The following SPATA6 variants were observed in gnomAD, a reference collection of about 807,000 sequenced individuals.
The protein encoded by SPATA6 is spermatogenesis associated 6, also known as spermatogenesis-associated protein 6.
Under a neutral mutation model 65.3 loss-of-function variants are expected in SPATA6, and 56 were observed. That is an observed-to-expected ratio of 0.86 (90% CI 0.69 to 1.07). The LOEUF is 1.07. Ranked by LOEUF, SPATA6 falls within the 50% of genes least tolerant of loss-of-function variation. The pLI is 0.00. For synonymous variants in SPATA6, 199 were observed against 213.2 expected (o/e 0.93, Z 0.58); for missense variants, 590 against 594.8 (o/e 0.99, Z 0.08).
intron 11 of SPATA6, among the ~76,000 whole-genome samples, chr1:48,347,926 C>G (rs1646415140): frequency 6.6e-6 from 1 of 151,954 alleles, no homozygotes. Context: ...TCATCCCTAG[C>G]TAATAAATTG....
chr1:48,410,387 T>C (rs953735873), intron 5 of SPATA6, among the ~76,000 whole-genome samples: 7 of 152,220 alleles, frequency 4.6e-5, no homozygotes, highest in African/African-American at 1.7e-4. Context: ...AACAAGTCTC[T>C]AGGAAGTTCC....
At chr1:48,405,838 G>A (rs1426357071) in intron 5 of SPATA6, among the ~76,000 whole-genome samples, 2 of 152,034 alleles carry the variant, frequency 1.3e-5, no homozygotes, top group Non-Finnish European at 1.5e-5. Flanking sequence ...CCACCAGTCT[G>A]CTCTCTGACC....
intron 6 of SPATA6, among the ~76,000 whole-genome samples, chr1:48,401,922 A>T (rs1651200802): frequency 6.6e-6 from 1 of 152,108 alleles, no homozygotes. Flanking sequence ...ATATTTAACT[A>T]TTTAATAATG....
chr1:48,329,430 A>G (rs1161414141), intron 11 of SPATA6, among the ~76,000 whole-genome samples: 1 of 152,260 alleles, frequency 6.6e-6, no homozygotes, highest in African/African-American at 2.4e-5. Flanking sequence ...GACTTGTACC[A>G]GACAAGTAAA....
At chr1:48,288,422 T>C in the SPATA6 span, among the ~76,000 whole-genome samples, 64,992 of 152,006 alleles carry the variant, frequency 0.43, 15,008 homozygotes, top group African/African-American at 0.62. Context: ...GTGTGACTGA[T>C]GCAGAAGACA....
chr1:48,357,509 A>G lies in SPATA6; in HGVS notation c.1095-1740T>C, dbSNP rs540502839. On this transcript the variant is annotated intron_variant, in intron 10 of 12. Coordinates refer to ENST00000371847, the MANE Select transcript of SPATA6 (RefSeq NM_019073.4). ...CTTAGAGAAAACTTACTTAATTTCA[A>G]TAAATATTTACACAGATAAACTCCT... Among the ~76,000 whole-genome samples the G allele has an allele frequency of 5.3e-5, 8 of 152,294 alleles. No individual in the cohort carries two copies. In the South Asian group the frequency reaches 1.7e-3, roughly 32 times the overall value.
chr1:48,278,339 T>A, the SPATA6 span, among the ~76,000 whole-genome samples: 3,389 of 152,294 alleles, frequency 0.022, 123 homozygotes, highest in African/African-American at 0.076. Flanking sequence ...GGAGAATGAC[T>A]TTGATGAGTT....
At chr1:48,265,484 T>C in the SPATA6 span, among the ~76,000 whole-genome samples, 1 of 152,128 alleles carries the variant, frequency 6.6e-6, no homozygotes, top group South Asian at 2.1e-4. Flanking sequence ...AGCATTATGT[T>C]TCTTGGAGCT....
intron 3 of SPATA6, among the ~76,000 whole-genome samples, chr1:48,414,173 C>T (rs1652542367): frequency 6.6e-6 from 1 of 152,122 alleles, no homozygotes; most frequent in Non-Finnish European, 1.5e-5. Context: ...GATTAAAACT[C>T]CAGAGAAATC....
Position 48,359,815 on chromosome 1 carries a change from A to G in SPATA6, c.910-45T>C. 2.8e-6 allele frequency: 4 copies of G among 1,443,208 alleles called. 1 individual carries two copies. The South Asian group carries it at 5.3e-5, about 19-fold the overall frequency. The allele number at this position is 1,443,208 out of a possible 1,614,324, so 89.4% of individuals were successfully genotyped here. A position where few individuals can be genotyped will look rare whatever the true frequency, so the allele number is the denominator to read the frequency against. ...CATATAGATATACAAATACAGATAC[A>G]TATGTATATAACATATTATATAGTA... On this transcript the variant is annotated intron_variant, in intron 9 of 12. Coordinates refer to ENST00000371847, the MANE Select transcript of SPATA6 (RefSeq NM_019073.4).
At chr1:48,410,613 G>A (rs1557677308) in intron 5 of SPATA6, among the ~76,000 whole-genome samples, 3 of 152,168 alleles carry the variant, frequency 2.0e-5, no homozygotes, top group Non-Finnish European at 4.4e-5. Flanking sequence ...CTGACTCACA[G>A]TTTTACATGG....
intron 9 of SPATA6, among the ~76,000 whole-genome samples, chr1:48,369,243 A>G (rs2148852157): frequency 6.6e-6 from 1 of 152,198 alleles, no homozygotes; most frequent in African/African-American, 2.4e-5. Flanking sequence ...GGTGTCAGGG[A>G]CCCACTTAAG....
At chr1:48,438,394 A>G (rs934205135) in intron 3 of SPATA6, among the ~76,000 whole-genome samples, 1 of 152,222 alleles carries the variant, frequency 6.6e-6, no homozygotes, top group African/African-American at 2.4e-5. Context: ...AAAAGCGACT[A>G]GCGCAGCCGC....
At chr1:48,433,651 T>A (rs552710437) in intron 3 of SPATA6, among the ~76,000 whole-genome samples, 1 of 152,158 alleles carries the variant, frequency 6.6e-6, no homozygotes, top group African/African-American at 2.4e-5. Context: ...ACAGCTGCTA[T>A]AATAATTTTT....
chr1:48,456,771 A>G (rs1657037785), intron 1 of SPATA6, among the ~76,000 whole-genome samples: 1 of 152,206 alleles, frequency 6.6e-6, no homozygotes, highest in Non-Finnish European at 1.5e-5. Flanking sequence ...AAGAGGAGAT[A>G]TGAGCTGTCG....
chr1:48,377,757 C>T (rs1398833467), intron 9 of SPATA6, among the ~76,000 whole-genome samples: 1 of 152,112 alleles, frequency 6.6e-6, no homozygotes, highest in African/African-American at 2.4e-5. Flanking sequence ...GAGATATTAG[C>T]AGGGGAACGG....
chr1:48,385,451 C>T (rs901154733), intron 8 of SPATA6, 102 bp from the exon 9 acceptor site: 2 of 1,000,296 alleles, frequency 2.0e-6, no homozygotes, highest in Admixed American at 5.8e-5. Context: ...CAGAATATTT[C>T]AGAGATACTT....
chr1:48,394,208 A>C (rs1650353098), intron 8 of SPATA6, among the ~76,000 whole-genome samples: 1 of 152,142 alleles, frequency 6.6e-6, no homozygotes, highest in Non-Finnish European at 1.5e-5. Context: ...CTCATTATTG[A>C]TCTCTCTGAT....
At chr1:48,451,493 T>C in intron 3 of SPATA6, 59 bp downstream of exon 3, 1 of 1,517,006 alleles carries the variant, frequency 6.6e-7, no homozygotes, top group Non-Finnish European at 9.0e-7. Flanking sequence ...TTAAAGATCA[T>C]AAGGATAATA....
Sources: allele counts gnomAD v4.1 joint callset (sites outside exome capture counted in the v4.1 genomes callset), GRCh38; gene constraint gnomAD v4.1.1; transcripts MANE v1.5; gene names NCBI Gene and HGNC (gene_info 2026-07-23, HGNC 2026-07-21).